The following VARS1 variants were observed in gnomAD, a reference collection of about 807,000 sequenced individuals.
VARS1 encodes the protein valine--tRNA ligase.
A neutral mutation model predicts 161.0 loss-of-function variants in VARS1; 92 were observed. The observed-to-expected ratio is 0.57, with a 90% CI of 0.48 to 0.68. The LOEUF (loss-of-function observed/expected upper bound fraction) is 0.68, where lower values mean the gene tolerates loss of function less well. Ranked by LOEUF, VARS1 falls within the 30% of genes least tolerant of loss-of-function variation. The pLI is 0.00. For synonymous variants in VARS1, 595 were observed against 682.5 expected (o/e 0.87, Z 2.00); for missense variants, 1,338 against 1,695.9 (o/e 0.79, Z 3.71).
Position 31,783,138 on chromosome 6 carries a change from G to A in VARS1, c.1720C>T (p.Pro574Ser), listed in dbSNP as rs1382409187. Residue 574 changes from proline (P) to serine (S), a missense_variant, in exon 14 of 30, where the codon CCC (proline) becomes TCC (serine). By Grantham distance (74) the Pro-to-Ser change is moderately conservative. Around this residue, in one of 3 missense-constraint regions of VARS1, gnomAD observed 902 missense variants for 1,090.3 expected, o/e 0.83. Coordinates refer to ENST00000375663, the MANE Select transcript of VARS1 (RefSeq NM_006295.3). ...TCCACAAATTCATCGAAGACAATGG[G>A]AAGGCTCCGAGACAGGAATGGGTGG... is the stretch of plus-strand genomic sequence containing the variant. ...VIHPFLSRSL[P>S]IVFDEFVDMD... 22 of 1,612,688 alleles carry A rather than the reference G, an allele frequency of 1.4e-5. No individual in the cohort carries two copies. Among genetic ancestry groups the A allele is most frequent in the African/African-American group, 4.0e-5 (3 of 74,886 alleles).
At chr6:31,793,424 T>A (rs111359007) in intron 2 of VARS1, among the ~76,000 whole-genome samples, 4,671 of 151,534 alleles carry the variant, frequency 0.031, 102 homozygotes, top group Middle Eastern at 0.062. Context: ...GAGAATGGCA[T>A]GAACCCAGGA....
intron 14 of VARS1, 80 bp downstream of exon 14, chr6:31,783,016 C>T (rs1813259438): frequency 6.4e-7 from 1 of 1,563,014 alleles, no homozygotes; most frequent in Non-Finnish European, 8.7e-7. Flanking sequence ...AGCTTATTTT[C>T]TTTTTCTCTG....
intron 8 of VARS1, among the ~76,000 whole-genome samples, chr6:31,789,079 A>G (rs188097087): frequency 5.3e-5 from 8 of 152,252 alleles, no homozygotes; most frequent in African/African-American, 1.2e-4. Context: ...TTTGTCACCT[A>G]GAATATTACT....
Position 31,795,199 on chromosome 6 carries a change from A to C in VARS1, c.19T>G (p.Ser7Ala). 1 of 1,460,042 alleles carries C rather than the reference A, an allele frequency of 6.8e-7. No homozygotes were observed. 90.4% of individuals were successfully genotyped at this position (1,460,042 alleles called of 1,614,324 possible). A position where few individuals can be genotyped will look rare whatever the true frequency, so the allele number is the denominator to read the frequency against. MSTLYV[S>A]PHPDAFPSLR... ...CTGGGGAAGGCATCTGGGTGAGGGG[A>C]GACGTAGAGGGTGGACATAGTTATG... The change falls in exon 2 of 30, where the codon TCC (serine) becomes GCC (alanine). Residue 7 changes from serine (S) to alanine (A), a missense_variant. By Grantham distance (99) the Ser-to-Ala change is moderately conservative. Around this residue, in one of 3 missense-constraint regions of VARS1, gnomAD observed 902 missense variants for 1,090.3 expected, o/e 0.83. Transcript: ENST00000375663. The surrounding 1 kb of genome is among the most constrained non-coding windows in gnomAD (Gnocchi z 6.9).
intron 8 of VARS1, among the ~76,000 whole-genome samples, chr6:31,786,689 A>G (rs1365194463): frequency 5.3e-5 from 8 of 150,896 alleles, no homozygotes; most frequent in African/African-American, 1.9e-4. Flanking sequence ...AAAAAAAAAA[A>G]AAAGAACGAA....
rs774882533 is a variant in VARS1, at chr6:31,784,585, G to C, written c.1467+10C>G. ...TTGGAGATGGAGACAGGCCAGGTTG[G>C]GGGGCGCACCTCAATGTCAGAGATG... On this transcript the variant is annotated intron_variant, in intron 11 of 29. Coordinates refer to ENST00000375663, the MANE Select transcript of VARS1 (RefSeq NM_006295.3). This position sits in a 1 kb window ranked among gnomAD's most constrained non-coding sequence, Gnocchi z 6.1. 3.2e-5 allele frequency: 52 copies of C among 1,613,252 alleles called. No individual in the cohort carries two copies. Among genetic ancestry groups the C allele is most frequent in the Non-Finnish European group, 3.6e-5 (43 of 1,180,052 alleles).
Position 31,779,823 on chromosome 6 carries a change from C to T in VARS1, c.3082-9G>A, listed in dbSNP as rs200954923. ...ACAGGTTTCAGGCACTCCTAGGGGA[C>T]GAGAGGTACAGGGCTCACGGCTGGA... On this transcript the variant is annotated splice_polypyrimidine_tract_variant and intron_variant, in intron 26 of 29. Transcript: ENST00000375663. This position sits in a 1 kb window ranked among gnomAD's most constrained non-coding sequence, Gnocchi z 9.1. 60 of 1,612,594 alleles carry T rather than the reference C, an allele frequency of 3.7e-5. No individual in the cohort carries two copies. The highest frequency in any genetic ancestry group is 1.6e-4 in the Middle Eastern group (1 of 6,084).
chr6:31,782,009 C>T lies in VARS1; in HGVS notation c.2242-57G>A, dbSNP rs1813184987. The T allele has an allele frequency of 2.5e-6, 4 of 1,612,392 alleles. No homozygotes were observed. Among genetic ancestry groups the T allele is most frequent in the African/African-American group, 1.3e-5 (1 of 74,876 alleles). Reference sequence around the variant, plus strand: ...TGTGTCTGCTTCTGGCTCACCCTGCCCCTCCCCCCACCAAGGACCCAGTAA... The same window carrying T: ...TGTGTCTGCTTCTGGCTCACCCTGCTCCTCCCCCCACCAAGGACCCAGTAA... On this transcript the variant is annotated intron_variant, in intron 18 of 29. Coordinates refer to ENST00000375663, the MANE Select transcript of VARS1 (RefSeq NM_006295.3). The surrounding 1 kb of genome is among the most constrained non-coding windows in gnomAD (Gnocchi z 8.3).
chr6:31,794,143 CAG>C (rs1367819817), intron 2 of VARS1, among the ~76,000 whole-genome samples: 2 of 146,674 alleles, frequency 1.4e-5, no homozygotes, highest in African/African-American at 5.0e-5. Context: ...GGGGAACAAA[CAG>C]GGAATTCCAG....
chr6:31,791,794 C>A lies in VARS1; in HGVS notation c.973-57G>T. ...GGCCTCAGGTCACCTCTCCCAGCCC[C>A]TCCCAGGCAACACATCCTTCAGTCC... On this transcript the variant is annotated intron_variant, in intron 7 of 29. Coordinates refer to ENST00000375663, the MANE Select transcript of VARS1 (RefSeq NM_006295.3). This position sits in a 1 kb window ranked among gnomAD's most constrained non-coding sequence, Gnocchi z 5.0. 9.9e-6 allele frequency: 16 copies of A among 1,613,046 alleles called. No homozygotes were observed. The highest frequency in any genetic ancestry group is 1.4e-5 in the Non-Finnish European group (16 of 1,180,024).
Position 31,779,120 on chromosome 6 carries a change from A to C in VARS1, c.3573T>G (p.Leu1191=), listed in dbSNP as rs751048482. 4.6e-5 allele frequency: 74 copies of C among 1,608,264 alleles called. No homozygotes were observed. In the Admixed American group the frequency reaches 1.1e-3, roughly 23 times the overall value. The change falls in exon 29 of 30, where the codon CTT becomes CTG. Residue 1191 remains leucine (L), a synonymous_variant. Transcript: ENST00000375663. This position sits in a 1 kb window ranked among gnomAD's most constrained non-coding sequence, Gnocchi z 9.1. ...ASDRCSIHLQ[L]QGLVDPAREL... is the part of the protein sequence containing the mutation. Reference sequence around the variant, plus strand: ...CCCGTGCAGGGTCCACCAGCCCCTGAAGCTGCAGGTGGATGGAGCAGCGAT... The same window carrying C: ...CCCGTGCAGGGTCCACCAGCCCCTGCAGCTGCAGGTGGATGGAGCAGCGAT...
rs1426980424 is a variant in VARS1, at chr6:31,792,508, C to T, written c.670G>A (p.Ala224Thr). The T allele has an allele frequency of 1.9e-6, 3 of 1,613,512 alleles. No homozygotes were observed. Among genetic ancestry groups the T allele is most frequent in the East Asian group, 2.2e-5 (1 of 44,854 alleles). ...GCAGCTGTCTTTGGGAGGGCAGGAGCCTCGGGGCCTAGAGAGAGGTGCAGA... is the reference window on the plus strand; with the variant it reads ...GCAGCTGTCTTTGGGAGGGCAGGAGTCTCGGGGCCTAGAGAGAGGTGCAGA... Reference protein sequence around the residue: ...RPLSHQPGPEAPALPKTAAQL... With the variant: ...RPLSHQPGPETPALPKTAAQL... The change falls in exon 5 of 30, where the codon GCT (alanine) becomes ACT (threonine). Residue 224 changes from alanine (A) to threonine (T), a missense_variant. By Grantham distance (58) the Ala-to-Thr change is moderately conservative. Transcript: ENST00000375663.
At position 31,782,210 on chromosome 6, in the gene VARS1, G is replaced by T. The variant is rs762428084; in HGVS notation, c.2151-33C>A. On this transcript the variant is annotated intron_variant, in intron 17 of 29. Transcript: ENST00000375663. This position sits in a 1 kb window ranked among gnomAD's most constrained non-coding sequence, Gnocchi z 8.3. The stretch of plus-strand genomic sequence containing the variant: ...TGTCGGGGAGGAGAAATCAGGGAGG[G>T]CCTGATGGAGCCTGGCCCGAGTGAG... 6.2e-7 allele frequency: 1 copy of T among 1,611,598 alleles called. No individual in the cohort carries two copies. The highest frequency in any genetic ancestry group is 8.5e-7 in the Non-Finnish European group (1 of 1,178,776).
In VARS1 at chr6:31,791,652, C is replaced by A; in HGVS notation, c.1058G>T (p.Gly353Val). 1 of 1,612,816 alleles carries A rather than the reference C, an allele frequency of 6.2e-7. No homozygotes were observed. Among genetic ancestry groups the A allele is most frequent in the Non-Finnish European group, 8.5e-7 (1 of 1,179,924 alleles). The change falls in exon 8 of 30, where the codon GGC becomes GTC. Residue 353 changes from glycine (G) to valine (V), a missense_variant. Gly to Val is a moderately radical substitution (Grantham distance 109). Around this residue, in one of 3 missense-constraint regions of VARS1, gnomAD observed 902 missense variants for 1,090.3 expected, o/e 0.83. Coordinates refer to ENST00000375663, the MANE Select transcript of VARS1 (RefSeq NM_006295.3). This position sits in a 1 kb window ranked among gnomAD's most constrained non-coding sequence, Gnocchi z 5.0. ...PPNVTGSLHL[G>V]HALTNAIQDS... Reference sequence around the variant, plus strand: ...CTGGATGGCGTTGGTGAGTGCATGGCCCAGGTGCAGGGAGCCTGTCACATT... The same window carrying A: ...CTGGATGGCGTTGGTGAGTGCATGGACCAGGTGCAGGGAGCCTGTCACATT...
chr6:31,794,397 C>T (rs1814118004), intron 2 of VARS1, among the ~76,000 whole-genome samples: 2 of 152,136 alleles, frequency 1.3e-5, no homozygotes, highest in Admixed American at 6.5e-5. Flanking sequence ...GCAGGGTTAT[C>T]TCTCCTCTCA....
In VARS1 at chr6:31,795,444, G is replaced by A. The variant is rs1046734433; in HGVS notation, c.-34+102C>T. 2 of 397,570 alleles carry A rather than the reference G, an allele frequency of 5.0e-6. No individual in the cohort carries two copies. Among genetic ancestry groups the A allele is most frequent in the Non-Finnish European group, 8.8e-6 (2 of 226,440 alleles). The allele number at this position is 397,570 out of a possible 1,614,324, so 24.6% of individuals were successfully genotyped here. A position where few individuals can be genotyped will look rare whatever the true frequency, so the allele number is the denominator to read the frequency against. The stretch of plus-strand genomic sequence containing the variant: ...GCAGTGTCAGTGGGGAGTTCCTGGG[G>A]AAGAGGAACTATCCACCATCGCGGG... On this transcript the variant is annotated intron_variant, in intron 1 of 29. Transcript: ENST00000375663. This position sits in a 1 kb window ranked among gnomAD's most constrained non-coding sequence, Gnocchi z 6.9.
Position 31,781,369 on chromosome 6 carries a change from C to A in VARS1, c.2544+112G>T. On this transcript the variant is annotated intron_variant, in intron 21 of 29. Transcript: ENST00000375663. The surrounding 1 kb of genome is among the most constrained non-coding windows in gnomAD (Gnocchi z 6.8). ...TTCAACCCCACACCAGCCCCCGGGT[C>A]AGGCCTGCCCACAGCTAACCCCATG... is the stretch of plus-strand genomic sequence containing the variant. The A allele has an allele frequency of 6.8e-7, 1 of 1,475,986 alleles. No homozygotes were observed. The highest frequency in any genetic ancestry group is 1.3e-5 in the South Asian group (1 of 76,126). The allele number at this position is 1,475,986 out of a possible 1,614,324, so 91.4% of individuals were successfully genotyped here.
Position 31,782,900 on chromosome 6 carries a change from A to G in VARS1, c.1763-55T>C. 1 of 1,577,108 alleles carries G rather than the reference A, an allele frequency of 6.3e-7. No homozygotes were observed. The highest frequency in any genetic ancestry group is 1.2e-5 in the South Asian group (1 of 84,684). On this transcript the variant is annotated intron_variant, in intron 14 of 29. Transcript: ENST00000375663. This position sits in a 1 kb window ranked among gnomAD's most constrained non-coding sequence, Gnocchi z 8.3. ...GAGGGACTCCACGGAGTTCCTTCCT[A>G]CACTCACCTCTTTTGCTGAAGGATG...
In VARS1 at chr6:31,781,029, A is replaced by G; in HGVS notation, c.2639T>C (p.Ile880Thr). The change falls in exon 22 of 30, where the codon ATC (isoleucine) becomes ACC (threonine). Residue 880 changes from isoleucine (I) to threonine (T), a missense_variant. Physicochemically the swap from Ile to Thr is moderately conservative, Grantham distance 89. Coordinates refer to ENST00000375663, the MANE Select transcript of VARS1 (RefSeq NM_006295.3). The surrounding 1 kb of genome is among the most constrained non-coding windows in gnomAD (Gnocchi z 6.8). ...VIDPLDVIYG[I>T]SLQGLHNQLL... is the part of the protein sequence containing the mutation. ...CAGCACCCAGCCCACCTGCAGGGAG[A>G]TTCCATAGATGACGTCCAGGGGATC... is the stretch of plus-strand genomic sequence containing the variant. 6.2e-7 allele frequency: 1 copy of G among 1,614,044 alleles called. No homozygotes were observed.
Sources: allele counts gnomAD v4.1 joint callset (sites outside exome capture counted in the v4.1 genomes callset), GRCh38; gene constraint gnomAD v4.1.1; regional missense constraint gnomAD v4.1.1; non-coding constraint Gnocchi (gnomAD v3.1); transcripts MANE v1.5; gene names NCBI Gene and HGNC (gene_info 2026-07-23, HGNC 2026-07-21).